Variants in KDM7A observed in about 807,000 individuals in gnomAD.
KDM7A encodes lysine-specific demethylase 7A.
KDM7A carries 28 observed loss-of-function variants against 114.8 expected under a neutral mutation model. That is an observed-to-expected ratio of 0.24 (90% confidence interval 0.18 to 0.33). KDM7A has a LOEUF of 0.33. Among genes scored for constraint, KDM7A ranks in the 10% least tolerant of loss-of-function variants. The pLI, the probability that KDM7A is intolerant of heterozygous loss-of-function variation, is 1.00. For synonymous variants in KDM7A, 423 were observed against 397.8 expected, an observed-to-expected ratio of 1.06 and a Z score of -0.75; for missense variants, 942 against 1,142.5, an observed-to-expected ratio of 0.82 and a Z score of 2.53.
At chr7:140,115,809 A>T (rs571873839) in intron 9 of KDM7A, among the ~76,000 whole-genome samples, 56 of 132,124 alleles carry the variant, frequency 4.2e-4, no homozygotes, top group Middle Eastern at 4.1e-3. Context: ...AAATTTAAAA[A>T]AAATAAATAA....
chr7:140,110,083 C>A (rs569733074), intron 11 of KDM7A, among the ~76,000 whole-genome samples: 74 of 152,228 alleles, frequency 4.9e-4, no homozygotes, highest in Middle Eastern at 3.4e-3. Context: ...ATTACTCTTC[C>A]AAGTGTATTT....
At chr7:140,137,175 C>G (rs1379953083) in intron 2 of KDM7A, among the ~76,000 whole-genome samples, 1 of 152,000 alleles carries the variant, frequency 6.6e-6, no homozygotes, top group African/African-American at 2.4e-5. Flanking sequence ...GGACGTCTGA[C>G]CAGAAGATAG....
intron 7 of KDM7A, among the ~76,000 whole-genome samples, chr7:140,122,106 G>A (rs1255221091): frequency 6.6e-6 from 1 of 152,148 alleles, no homozygotes; most frequent in African/African-American, 2.4e-5. Flanking sequence ...ATGTGATTCT[G>A]ATATTCCAGG....
intron 9 of KDM7A, among the ~76,000 whole-genome samples, chr7:140,118,532 A>G (rs1818568184): frequency 6.6e-6 from 1 of 151,482 alleles, no homozygotes; most frequent in African/African-American, 2.4e-5. Flanking sequence ...CAGCCTCCCA[A>G]GTAGCTGGGA....
intron 1 of KDM7A, among the ~76,000 whole-genome samples, chr7:140,149,701 T>A (rs1423504201): frequency 1.3e-5 from 2 of 152,240 alleles, no homozygotes; most frequent in Non-Finnish European, 2.9e-5. Context: ...ACTATTCTTT[T>A]ATTTATAAAC....
chr7:140,115,834 A>G (rs1398598074), intron 9 of KDM7A, among the ~76,000 whole-genome samples: 1 of 149,334 alleles, frequency 6.7e-6, no homozygotes, highest in Non-Finnish European at 1.5e-5. Flanking sequence ...AAAAAAATAA[A>G]ACATTAATAG....
At chr7:140,094,223 G>A in intron 17 of KDM7A, 85 bp from the exon 18 acceptor site, 1 of 870,206 alleles carries the variant, frequency 1.1e-6, no homozygotes, top group Non-Finnish European at 2.0e-6. Context: ...AATGAAAGCA[G>A]GTTGGGCGTG....
intron 1 of KDM7A, among the ~76,000 whole-genome samples, chr7:140,161,411 A>G (rs546735505): frequency 6.6e-6 from 1 of 152,340 alleles, no homozygotes; most frequent in Admixed American, 6.5e-5. Context: ...AATGCTACCA[A>G]AACTGTTTCA....
In KDM7A at chr7:140,090,333, TGCAAA is replaced by T. The variant is rs1391301248; in HGVS notation, c.*756_*760del. ...CACATTGGCTACGAAAGTGTTTCCC[TGCAAA>T]GAGAAGAGTCTTACTGGGTCATCAC... On this transcript the variant is annotated 3_prime_UTR_variant, in exon 20 of 20. Transcript: ENST00000397560. The T allele has an allele frequency of 1.3e-5, 2 of 152,086 alleles. No homozygotes were observed. The highest frequency in any genetic ancestry group is 2.4e-5 in the African/African-American group (1 of 41,410). 9.4% of individuals were successfully genotyped at this position (152,086 alleles called of 1,614,324 possible).
At chr7:140,156,439 A>T (rs569151660) in intron 1 of KDM7A, among the ~76,000 whole-genome samples, 140 of 152,310 alleles carry the variant, frequency 9.2e-4, no homozygotes, top group Non-Finnish European at 1.6e-3. Context: ...CAATTTACCT[A>T]CTGGTTTAAG....
Position 140,086,833 on chromosome 7 carries a change from G to C in KDM7A, c.*4261C>G, listed in dbSNP as rs1273607096. 6.6e-6 allele frequency: 1 copy of C among 152,180 alleles called. No individual in the cohort carries two copies. The highest frequency in any genetic ancestry group is 2.4e-5 in the African/African-American group (1 of 41,444). The allele number at this position is 152,180 out of a possible 1,614,324, so 9.4% of individuals were successfully genotyped here. A position where few individuals can be genotyped will look rare whatever the true frequency, so the allele number is the denominator to read the frequency against. ...TCTGATGATCCAGCTTCCCAAGACT[G>C]CTTTAGAGGAAGGTCTAGGACACCA... On this transcript the variant is annotated 3_prime_UTR_variant, in exon 20 of 20. Transcript: ENST00000397560.
intron 1 of KDM7A, among the ~76,000 whole-genome samples, chr7:140,170,350 C>G (rs1167014157): frequency 6.6e-6 from 1 of 152,124 alleles, no homozygotes; most frequent in Non-Finnish European, 1.5e-5. Context: ...CTCTTCAGAA[C>G]CCTGCCTCAA....
intron 4 of KDM7A, 63 bp downstream of exon 4, chr7:140,129,429 AC>A: frequency 7.8e-7 from 1 of 1,288,048 alleles, no homozygotes; most frequent in South Asian, 1.2e-5. Context: ...CATTAATATT[AC>A]CAGGACTATC....
Position 140,165,934 on chromosome 7 carries a change from T to C in KDM7A, c.194+10810A>G, listed in dbSNP as rs367604333. ...TGAAGGAGGCAAAAGAAATTCATGC[T>C]AGTTTTGCTGCTGCACCTTAAACTG... On this transcript the variant is annotated intron_variant, in intron 1 of 19. Coordinates refer to ENST00000397560, the MANE Select transcript of KDM7A (RefSeq NM_030647.2). Among the ~76,000 whole-genome samples the C allele has an allele frequency of 1.6e-4, 25 of 152,344 alleles. No individual in the cohort carries two copies. In the South Asian group the frequency reaches 5.0e-3, roughly 30 times the overall value.
chr7:140,091,092 T>C lies in KDM7A; in HGVS notation c.*2A>G, dbSNP rs757968517. The C allele has an allele frequency of 4.3e-6, 7 of 1,609,480 alleles. No homozygotes were observed. Among genetic ancestry groups the C allele is most frequent in the Non-Finnish European group, 6.0e-6 (7 of 1,175,632 alleles). Reference sequence around the variant, plus strand: ...GGAAGAATGGCTGCAACAGCAGCTCTGTCACACAAAGAAACGTGCATGGCC... The same window carrying C: ...GGAAGAATGGCTGCAACAGCAGCTCCGTCACACAAAGAAACGTGCATGGCC... On this transcript the variant is annotated 3_prime_UTR_variant, in exon 20 of 20. Transcript: ENST00000397560.
At chr7:140,099,811 C>G in intron 13 of KDM7A, 88 bp downstream of exon 13, 1 of 1,267,166 alleles carries the variant, frequency 7.9e-7, no homozygotes, top group Non-Finnish European at 1.1e-6. Flanking sequence ...GTCCCTGGTG[C>G]CAGAAAGGTT....
intron 13 of KDM7A, 35 bp from the exon 14 acceptor site, chr7:140,099,068 G>C: frequency 6.5e-7 from 1 of 1,527,080 alleles, no homozygotes; most frequent in Non-Finnish European, 8.9e-7. Flanking sequence ...AGAATATAGT[G>C]CAAGACTCTG....
intron 6 of KDM7A, among the ~76,000 whole-genome samples, chr7:140,125,324 T>G (rs1585151535): frequency 6.6e-6 from 1 of 152,088 alleles, no homozygotes. Context: ...TCTACATCAG[T>G]ACTCTCCAAT....
intron 17 of KDM7A, chr7:140,094,563 A>G (rs1044717250): frequency 5.8e-6 from 1 of 172,260 alleles, no homozygotes; most frequent in Admixed American, 5.7e-5. Flanking sequence ...AAACACATTA[A>G]CTCTTTAGAT....
Sources: allele counts gnomAD v4.1 joint callset (sites outside exome capture counted in the v4.1 genomes callset), GRCh38; gene constraint gnomAD v4.1.1; transcripts MANE v1.5; gene names NCBI Gene and HGNC (gene_info 2026-07-23, HGNC 2026-07-21).